The following NEDD4L variants were observed in gnomAD, a reference collection of about 807,000 sequenced individuals.
The protein encoded by NEDD4L is NEDD4 like E3 ubiquitin protein ligase, also known as E3 ubiquitin-protein ligase NEDD4-like.
Under a neutral mutation model 148.9 loss-of-function variants are expected in NEDD4L, and 54 were observed. The ratio of observed to expected loss-of-function variants is 0.36; its 90% confidence interval spans 0.29 to 0.45. NEDD4L has a LOEUF of 0.45. NEDD4L is among the 20% of genes least tolerant of loss of function. The probability of loss-of-function intolerance (pLI) is 1.00; values close to 1 mark genes in which losing one functional copy is unlikely to be tolerated. For synonymous variants in NEDD4L, 433 were observed against 440.7 expected (o/e 0.98, Z 0.22); for missense variants, 856 against 1,233.8 (o/e 0.69, Z 4.59).
At position 58,395,851 on chromosome 18, in the gene NEDD4L, A is replaced by G. The variant is rs6566964; in HGVS notation, c.2826-316A>G. Among the ~76,000 whole-genome samples the G allele has an allele frequency of 0.084, 12,748 of 152,282 alleles. 794 individuals are homozygous for G. Among genetic ancestry groups the G allele is most frequent in the South Asian group, 0.18 (880 of 4,820 alleles). On this transcript the variant is annotated intron_variant, in intron 30 of 30. Coordinates refer to ENST00000400345, the MANE Select transcript of NEDD4L (RefSeq NM_001144967.3). ...ACAGTCTTAATTCGTGGGTAACTCC[A>G]AAAGCATCAGCTCTGTGTTCCAAGG...
rs182582958 is a variant in NEDD4L at position 58,339,594 on chromosome 18, C to G, written c.1126-1444C>G. On this transcript the variant is annotated intron_variant, in intron 13 of 30. Transcript: ENST00000400345. The stretch of plus-strand genomic sequence containing the variant: ...TTTAGGGAGCTTTAGGACTTTATCT[C>G]GGGAAATATTAAGGAAATGGTTTTC... 2.0e-5 allele frequency among the ~76,000 whole-genome samples: 3 copies of G among 152,186 alleles called. No individual in the cohort carries two copies. The East Asian group carries it at 5.8e-4, about 29-fold the overall frequency.
intron 1 of NEDD4L, among the ~76,000 whole-genome samples, chr18:58,157,265 T>C (rs1451374302): frequency 6.6e-6 from 1 of 152,112 alleles, no homozygotes; most frequent in Non-Finnish European, 1.5e-5. Context: ...GACTTTTGCC[T>C]GTTTATTAAC....
intron 16 of NEDD4L, among the ~76,000 whole-genome samples, chr18:58,345,683 C>G (rs909653770): frequency 3.9e-5 from 6 of 152,280 alleles, no homozygotes; most frequent in African/African-American, 1.4e-4. Flanking sequence ...CACACAGATA[C>G]TGAAGGCAGT....
intron 24 of NEDD4L, among the ~76,000 whole-genome samples, chr18:58,380,294 TA>T (rs2048165122): frequency 1.4e-5 from 2 of 143,172 alleles, no homozygotes; most frequent in African/African-American, 2.7e-5. Context: ...TTTTCTTTTT[TA>T]TTTTATTTAT....
At chr18:58,325,486 T>C (rs1384059671) in intron 9 of NEDD4L, among the ~76,000 whole-genome samples, 1 of 152,236 alleles carries the variant, frequency 6.6e-6, no homozygotes, top group Non-Finnish European at 1.5e-5. Context: ...GATTATATTG[T>C]TTTCTTCTTC....
chr18:58,341,566 T>C, intron 14 of NEDD4L, 112 bp from the exon 15 acceptor site: 1 of 1,159,954 alleles, frequency 8.6e-7, no homozygotes, highest in Non-Finnish European at 1.2e-6. Context: ...ACGCTTTAAA[T>C]AGGCCAGACC....
intron 2 of NEDD4L, among the ~76,000 whole-genome samples, chr18:58,176,441 T>G (rs1018602549): frequency 2.6e-5 from 4 of 152,166 alleles, no homozygotes; most frequent in African/African-American, 9.7e-5. Flanking sequence ...GCTCAAGCAG[T>G]CCTCCTGCCT....
In NEDD4L at chr18:58,256,081, G is replaced by T; in HGVS notation, c.297+4027G>T. On this transcript the variant is annotated intron_variant, in intron 5 of 30. Coordinates refer to ENST00000400345, the MANE Select transcript of NEDD4L (RefSeq NM_001144967.3). The surrounding 1 kb of genome is among the most constrained non-coding windows in gnomAD (Gnocchi z 5.2). ...AGAGTGGCTCCCGGGAGCCCTCGCCGAGGGACACCCCCGGGAGCTCCCCTC... is the reference window on the plus strand; with the variant it reads ...AGAGTGGCTCCCGGGAGCCCTCGCCTAGGGACACCCCCGGGAGCTCCCCTC... 8.1e-7 allele frequency: 1 copy of T among 1,228,066 alleles called. No individual in the cohort carries two copies. Among genetic ancestry groups the T allele is most frequent in the East Asian group, 3.2e-5 (1 of 31,336 alleles). The allele number at this position is 1,228,066 out of a possible 1,614,324, so 76.1% of individuals were successfully genotyped here.
intron 2 of NEDD4L, among the ~76,000 whole-genome samples, chr18:58,188,066 TGTTCCGAATGTGGAAGCAAAGA>T (rs1438271061): frequency 2.0e-5 from 3 of 152,188 alleles, no homozygotes; most frequent in African/African-American, 7.2e-5. Flanking sequence ...AGCAGGACAG[TGTTCCGAATGTGGAAGCAAAGA>T]GTCCTTCCAA....
At chr18:58,238,668 G>A (rs1243973013) in intron 2 of NEDD4L, among the ~76,000 whole-genome samples, 2 of 151,972 alleles carry the variant, frequency 1.3e-5, no homozygotes, top group Non-Finnish European at 2.9e-5. Context: ...CCTTTTACCA[G>A]TAAATATTTA....
At chr18:58,186,145 G>T (rs2039463911) in intron 2 of NEDD4L, among the ~76,000 whole-genome samples, 1 of 152,126 alleles carries the variant, frequency 6.6e-6, no homozygotes, top group South Asian at 2.1e-4. Context: ...ACATTCCCTA[G>T]TTGACGGAGT....
chr18:58,198,805 T>C (rs2041045275), intron 2 of NEDD4L, among the ~76,000 whole-genome samples: 1 of 152,226 alleles, frequency 6.6e-6, no homozygotes. Flanking sequence ...CTTCTTTGTT[T>C]TTTTGTTTGT....
chr18:58,223,113 T>G (rs1171861116), intron 2 of NEDD4L, among the ~76,000 whole-genome samples: 1 of 151,712 alleles, frequency 6.6e-6, no homozygotes, highest in Admixed American at 6.6e-5. Context: ...GGGAATCTAG[T>G]AAGATGGAAG....
At chr18:58,126,338 C>T (rs1327817486) in intron 1 of NEDD4L, among the ~76,000 whole-genome samples, 4 of 152,196 alleles carry the variant, frequency 2.6e-5, no homozygotes, top group Non-Finnish European at 2.9e-5. Flanking sequence ...ATCTTTCTGT[C>T]TCTGTAGGTG....
At chr18:58,223,517 G>A (rs1246723774) in intron 2 of NEDD4L, among the ~76,000 whole-genome samples, 2 of 152,108 alleles carry the variant, frequency 1.3e-5, no homozygotes, top group Non-Finnish European at 2.9e-5. Context: ...CTGTTGGGAT[G>A]GGAGGGTTGT....
At chr18:58,109,981 G>C (rs1216384050) in intron 1 of NEDD4L, among the ~76,000 whole-genome samples, 3 of 152,212 alleles carry the variant, frequency 2.0e-5, no homozygotes, top group African/African-American at 4.8e-5. Flanking sequence ...GGAAGGCAGG[G>C]TTGTTGAGGG....
intron 1 of NEDD4L, among the ~76,000 whole-genome samples, chr18:58,066,774 C>G (rs945767755): frequency 1.3e-5 from 2 of 152,072 alleles, no homozygotes; most frequent in African/African-American, 4.8e-5. Context: ...GAAGAGGAAG[C>G]AAGCATGTCT....
chr18:58,298,482 T>G (rs1053772348), intron 5 of NEDD4L, among the ~76,000 whole-genome samples: 4 of 152,172 alleles, frequency 2.6e-5, no homozygotes, highest in African/African-American at 9.7e-5. Flanking sequence ...AAACCACACT[T>G]TTCTGATTTT....
rs189065674 is a variant in NEDD4L at position 58,175,553 on chromosome 18, C to T, written c.122+9692C>T. Among the ~76,000 whole-genome samples the T allele has an allele frequency of 9.8e-5, 15 of 152,382 alleles. No individual in the cohort carries two copies. In the East Asian group the frequency reaches 2.7e-3, roughly 27 times the overall value. The stretch of plus-strand genomic sequence containing the variant: ...CTCTGGAGGCCTTGCTGAGCAGCCT[C>T]CGCTGTCTAGGGCATTGCTGAGAAT... On this transcript the variant is annotated intron_variant, in intron 2 of 30. Coordinates refer to ENST00000400345, the MANE Select transcript of NEDD4L (RefSeq NM_001144967.3).
Sources: gnomAD v4.1 joint callset for allele counts (sites outside exome capture counted in the v4.1 genomes callset) on GRCh38, gnomAD v4.1.1 for gene constraint, Gnocchi (gnomAD v3.1) non-coding constraint, MANE v1.5 for transcripts, NCBI Gene and HGNC (gene_info 2026-07-23, HGNC 2026-07-21) for gene names.